Variants in PTPN14 observed in about 807,000 individuals in gnomAD.
The protein encoded by PTPN14 is tyrosine-protein phosphatase non-receptor type 14.
In PTPN14, 53 loss-of-function variants were observed where a neutral mutation model predicts 126.8. The ratio of observed to expected loss-of-function variants is 0.42; its 90% CI spans 0.34 to 0.53. PTPN14 has a LOEUF of 0.53. PTPN14 is among the 20% of genes least tolerant of loss of function. The probability of loss-of-function intolerance (pLI) is 0.08; values close to 1 mark genes in which losing one functional copy is unlikely to be tolerated. For missense variants in PTPN14, 1,257 were observed against 1,552.9 expected (o/e 0.81, Z 3.20); for synonymous variants, 630 against 599.3 (o/e 1.05, Z -0.75).
intron 2 of PTPN14, among the ~76,000 whole-genome samples, chr1:214,459,463 C>A (rs1027499340): frequency 9.2e-6 from 1 of 108,138 alleles, no homozygotes; most frequent in African/African-American, 3.8e-5. Flanking sequence ...GATCCCCACT[C>A]TTTTCTTTCT....
Position 214,352,999 on chromosome 1 carries a change from G to A in PTPN14, c.*4923C>T, listed in dbSNP as rs1214652788. On this transcript the variant is annotated 3_prime_UTR_variant, in exon 19 of 19. Coordinates refer to ENST00000366956, the MANE Select transcript of PTPN14 (RefSeq NM_005401.5). ...CTAGGAGCTCCACAGAGTTATTTCT[G>A]ACACTGAGTAAGAACACAGGTCTGA... is the stretch of plus-strand genomic sequence containing the variant. 6.6e-6 allele frequency: 1 copy of A among 152,092 alleles called. No homozygotes were observed. Among genetic ancestry groups the A allele is most frequent in the African/African-American group, 2.4e-5 (1 of 41,414 alleles). The allele number at this position is 152,092 out of a possible 1,614,324, so 9.4% of individuals were successfully genotyped here.
In PTPN14 at chr1:214,420,995, C is replaced by G. The variant is rs185187045; in HGVS notation, c.345-6269G>C. On this transcript the variant is annotated intron_variant, in intron 3 of 18. Transcript: ENST00000366956. ...TCTCCAATGACTTGGGAAAGTTTTT[C>G]AGTTCCTTCAGAAGTTAAACATACA... Among the ~76,000 whole-genome samples the G allele has an allele frequency of 1.6e-4, 24 of 152,356 alleles. 1 individual carries two copies. The East Asian group carries it at 4.4e-3, about 28-fold the overall frequency.
At chr1:214,467,370 C>G (rs1660663545) in intron 1 of PTPN14, among the ~76,000 whole-genome samples, 1 of 152,168 alleles carries the variant, frequency 6.6e-6, no homozygotes, top group Admixed American at 6.5e-5. Context: ...ACATTTCTAA[C>G]CCTGAGCCAG....
At chr1:214,435,859 G>C (rs1345491085) in intron 3 of PTPN14, among the ~76,000 whole-genome samples, 2 of 152,156 alleles carry the variant, frequency 1.3e-5, no homozygotes, top group African/African-American at 4.8e-5. Flanking sequence ...ACTTAAGGCA[G>C]AATTTCCATT....
intron 5 of PTPN14, among the ~76,000 whole-genome samples, chr1:214,405,717 T>G (rs35769201): frequency 0.066 from 10,033 of 152,110 alleles, 448 homozygotes; most frequent in South Asian, 0.12. Context: ...ACAATAATAA[T>G]ATGACAACTA....
intron 5 of PTPN14, among the ~76,000 whole-genome samples, chr1:214,404,448 A>C (rs1659114788): frequency 6.6e-6 from 1 of 152,222 alleles, no homozygotes; most frequent in Non-Finnish European, 1.5e-5. Context: ...AAGGCTTAGA[A>C]AGTTAGCTAT....
intron 11 of PTPN14, among the ~76,000 whole-genome samples, chr1:214,389,068 T>C (rs1658691379): frequency 6.6e-6 from 1 of 152,222 alleles, no homozygotes; most frequent in South Asian, 2.1e-4. Flanking sequence ...AGTTGCAATT[T>C]AAAAATATTT....
chr1:214,385,636 G>A (rs1037359994), intron 12 of PTPN14, among the ~76,000 whole-genome samples: 10 of 152,006 alleles, frequency 6.6e-5, no homozygotes, highest in Admixed American at 2.0e-4. Context: ...GCCTTTCTGT[G>A]GCCAAAATAT....
At chr1:214,423,951 AG>A (rs370273450) in intron 3 of PTPN14, among the ~76,000 whole-genome samples, 6 of 152,098 alleles carry the variant, frequency 3.9e-5, no homozygotes, top group Admixed American at 6.5e-5. Flanking sequence ...ACTGCACTCC[AG>A]CCTGGGTGAC....
intron 13 of PTPN14, among the ~76,000 whole-genome samples, chr1:214,382,423 G>A (rs1451286628): frequency 6.6e-6 from 1 of 152,202 alleles, no homozygotes; most frequent in African/African-American, 2.4e-5. Flanking sequence ...CTGGGCTCAA[G>A]CGATCCTCCC....
rs752930214 is a variant in PTPN14, at chr1:214,364,506, A to C, written c.3435+6T>G. On this transcript the variant is annotated splice_donor_region_variant and intron_variant, in intron 18 of 18. Coordinates refer to ENST00000366956, the MANE Select transcript of PTPN14 (RefSeq NM_005401.5). This position sits in a 1 kb window ranked among gnomAD's most constrained non-coding sequence, Gnocchi z 4.1. ...AGTATCCGGAGAGAAGCCCAGAATG[A>C]CTCACTTCGTTATGTTCCAAGCAGT... 6.2e-7 allele frequency: 1 copy of C among 1,613,072 alleles called. No homozygotes were observed. The highest frequency in any genetic ancestry group is 8.5e-7 in the Non-Finnish European group (1 of 1,179,618).
At chr1:214,515,979 T>C (rs1033452407) in intron 1 of PTPN14, among the ~76,000 whole-genome samples, 1 of 152,192 alleles carries the variant, frequency 6.6e-6, no homozygotes, top group African/African-American at 2.4e-5. Flanking sequence ...AGGCCTGCTA[T>C]ATCTGATAAA....
At chr1:214,504,605 C>T (rs1480375577) in intron 1 of PTPN14, among the ~76,000 whole-genome samples, 1 of 152,132 alleles carries the variant, frequency 6.6e-6, no homozygotes, top group Non-Finnish European at 1.5e-5. Flanking sequence ...GAGTAGCACA[C>T]CCATTAGCCA....
rs947521989 is a variant in PTPN14 at position 214,412,439 on chromosome 1, G to A, written c.443-688C>T. 7.9e-5 allele frequency among the ~76,000 whole-genome samples: 12 copies of A among 152,112 alleles called. No homozygotes were observed. In the East Asian group the frequency reaches 2.1e-3, roughly 27 times the overall value. On this transcript the variant is annotated intron_variant, in intron 4 of 18. Transcript: ENST00000366956. ...ATCTTTAAGGTAACAAGAGATATAG[G>A]ATGAGAGGATACACACACCATGCAC...
intron 1 of PTPN14, among the ~76,000 whole-genome samples, chr1:214,480,974 AAGC>A (rs1660971682): frequency 6.6e-6 from 1 of 152,140 alleles, no homozygotes; most frequent in African/African-American, 2.4e-5. Flanking sequence ...AGAAAGAAAC[AAGC>A]AGCAGATGAA....
At position 214,532,491 on chromosome 1, in the gene PTPN14, G is replaced by A. The variant is rs563081501; in HGVS notation, c.-155+18692C>T. 3.0e-5 allele frequency: 27 copies of A among 886,416 alleles called. No homozygotes were observed. In the East Asian group the frequency reaches 3.7e-4, roughly 12 times the overall value. The allele number at this position is 886,416 out of a possible 1,614,324, so 54.9% of individuals were successfully genotyped here. On this transcript the variant is annotated intron_variant, in intron 1 of 18. Coordinates refer to ENST00000366956, the MANE Select transcript of PTPN14 (RefSeq NM_005401.5). Reference sequence around the variant, plus strand: ...GGACAGACTGAGGAGCCTGGAGATCGAGAACTGGAGGCTGGAGAGCAAAAT... The same window carrying A: ...GGACAGACTGAGGAGCCTGGAGATCAAGAACTGGAGGCTGGAGAGCAAAAT...
Position 214,414,666 on chromosome 1 carries a change from C to A in PTPN14, c.405G>T (p.Leu135Phe). ...DVLEGRLRCT[L>F]DQVIRLAGLA... ...GGCCGGCTAGCCGAATCACCTGGTCCAATGTACATCGTAATCGCCCTTCAA... is the reference window on the plus strand; with the variant it reads ...GGCCGGCTAGCCGAATCACCTGGTCAAATGTACATCGTAATCGCCCTTCAA... Residue 135 changes from leucine (L) to phenylalanine (F), a missense_variant, in exon 4 of 19, where the codon TTG becomes TTT. Leu to Phe is a conservative substitution (Grantham distance 22). Coordinates refer to ENST00000366956, the MANE Select transcript of PTPN14 (RefSeq NM_005401.5). 1 of 1,614,100 alleles carries A rather than the reference C, an allele frequency of 6.2e-7. No individual in the cohort carries two copies. Among genetic ancestry groups the A allele is most frequent in the Non-Finnish European group, 8.5e-7 (1 of 1,179,942 alleles).
chr1:214,457,011 T>C (rs955842503), intron 2 of PTPN14, among the ~76,000 whole-genome samples: 4 of 152,216 alleles, frequency 2.6e-5, no homozygotes, highest in African/African-American at 9.6e-5. Context: ...CATGAGGTGT[T>C]GCATTTAATT....
chr1:214,408,548 T>C (rs1324700905), intron 5 of PTPN14, among the ~76,000 whole-genome samples: 1 of 149,880 alleles, frequency 6.7e-6, no homozygotes, highest in Non-Finnish European at 1.5e-5. Context: ...GAGCACAGGC[T>C]GTGTGCCAGA....
Sources: allele counts gnomAD v4.1 joint callset (sites outside exome capture counted in the v4.1 genomes callset), GRCh38; gene constraint gnomAD v4.1.1; non-coding constraint Gnocchi (gnomAD v3.1); transcripts MANE v1.5; gene names NCBI Gene and HGNC (gene_info 2026-07-23, HGNC 2026-07-21).